CNTN5: variants seen among roughly 807,000 people sequenced by gnomAD.
The protein encoded by CNTN5 is contactin 5, also known as contactin-5.
A neutral mutation model predicts 129.1 loss-of-function variants in CNTN5; 77 were observed. The observed-to-expected ratio is 0.60, with a 90% CI of 0.50 to 0.72. The LOEUF (loss-of-function observed/expected upper bound fraction) is 0.72, where lower values mean the gene tolerates loss of function less well. Among genes scored for constraint, CNTN5 ranks in the 30% least tolerant of loss-of-function variants. The probability of loss-of-function intolerance (pLI) is 0.00; values close to 1 mark genes in which losing one functional copy is unlikely to be tolerated. For missense variants in CNTN5, 1,478 were observed against 1,328.8 expected, an observed-to-expected ratio of 1.11 and a Z score of -1.75; for synonymous variants, 509 against 465.6, an observed-to-expected ratio of 1.09 and a Z score of -1.20.
At chr11:99,706,864 G>A (rs1954778637) in intron 3 of CNTN5, among the ~76,000 whole-genome samples, 1 of 148,318 alleles carries the variant, frequency 6.7e-6, no homozygotes, top group Admixed American at 6.8e-5. Flanking sequence ...TAAGCTATAA[G>A]GATATGGATT....
chr11:100,287,237 A>G lies in CNTN5; in HGVS notation c.2315-10388A>G, dbSNP rs1274069062. On this transcript the variant is annotated intron_variant, in intron 18 of 24. Coordinates refer to ENST00000524871, the MANE Select transcript of CNTN5 (RefSeq NM_014361.4). Reference sequence around the variant, plus strand: ...ATCTAGCAAGGCAGGCCAACATTCAAATTCAGGAAATACAGAGAATGCCAT... The same window carrying G: ...ATCTAGCAAGGCAGGCCAACATTCAGATTCAGGAAATACAGAGAATGCCAT... 3.6e-3 allele frequency among the ~76,000 whole-genome samples: 547 copies of G among 152,144 alleles called. 5 individuals are homozygous for G. The highest frequency in any genetic ancestry group is 0.013 in the African/African-American group (521 of 41,424).
intron 1 of CNTN5, among the ~76,000 whole-genome samples, chr11:99,309,091 A>G (rs1272990386): frequency 6.6e-6 from 1 of 152,004 alleles, no homozygotes; most frequent in East Asian, 1.9e-4. Flanking sequence ...TTTTGAAATT[A>G]TTTTCTGCTA....
intron 13 of CNTN5, among the ~76,000 whole-genome samples, chr11:100,136,156 A>G (rs1300698862): frequency 1.3e-5 from 2 of 152,114 alleles, no homozygotes; most frequent in Non-Finnish European, 2.9e-5. Flanking sequence ...TAAACCCAGG[A>G]TTGTCAAAGC....
intron 2 of CNTN5, among the ~76,000 whole-genome samples, chr11:99,444,242 A>G (rs1943966086): frequency 6.6e-6 from 1 of 152,090 alleles, no homozygotes; most frequent in African/African-American, 2.4e-5. Context: ...GAGAAAGAAA[A>G]TATATCATTT....
intron 3 of CNTN5, among the ~76,000 whole-genome samples, chr11:99,811,101 A>C (rs531009436): frequency 1.2e-4 from 19 of 152,250 alleles, no homozygotes; most frequent in Admixed American, 7.2e-4. Context: ...CTGTCATTTC[A>C]TGACTTGTGG....
intron 3 of CNTN5, among the ~76,000 whole-genome samples, chr11:99,744,635 G>T (rs944737769): frequency 2.7e-4 from 40 of 147,568 alleles, no homozygotes; most frequent in African/African-American, 9.7e-4. Context: ...TGGGAGGATT[G>T]GTTGAGCCCA....
At chr11:99,825,898 T>C (rs1946939570) in intron 4 of CNTN5, among the ~76,000 whole-genome samples, 1 of 152,114 alleles carries the variant, frequency 6.6e-6, no homozygotes, top group Non-Finnish European at 1.5e-5. Flanking sequence ...CAAAAGAAAA[T>C]ATAATATAGA....
intron 6 of CNTN5, among the ~76,000 whole-genome samples, chr11:99,887,827 C>T (rs1425353261): frequency 6.6e-6 from 1 of 152,180 alleles, no homozygotes; most frequent in Non-Finnish European, 1.5e-5. Flanking sequence ...CCGCCTACTT[C>T]ACTCTAGCCT....
chr11:99,505,953 T>C (rs183928706), intron 2 of CNTN5, among the ~76,000 whole-genome samples: 1 of 152,324 alleles, frequency 6.6e-6, no homozygotes, highest in Admixed American at 6.5e-5. Flanking sequence ...TGTTAACTAG[T>C]GTGTGTTCTT....
intron 1 of CNTN5, among the ~76,000 whole-genome samples, chr11:99,220,531 A>G (rs737238): frequency 0.017 from 2,527 of 152,014 alleles, 37 homozygotes; most frequent in African/African-American, 0.035. Context: ...AAAAACCACA[A>G]TTAAATAAAT....
At chr11:100,112,614 T>C (rs1945692883) in intron 13 of CNTN5, among the ~76,000 whole-genome samples, 1 of 152,136 alleles carries the variant, frequency 6.6e-6, no homozygotes, top group South Asian at 2.1e-4. Context: ...TTATGAAACA[T>C]AGGCAGCCAT....
intron 16 of CNTN5, among the ~76,000 whole-genome samples, chr11:100,229,911 G>C (rs1183211815): frequency 6.6e-6 from 1 of 152,160 alleles, no homozygotes; most frequent in African/African-American, 2.4e-5. Context: ...TGTGCTTGGA[G>C]AGTGCATAAG....
At chr11:99,183,202 C>T (rs1299173276) in intron 1 of CNTN5, among the ~76,000 whole-genome samples, 4 of 152,136 alleles carry the variant, frequency 2.6e-5, no homozygotes, top group Admixed American at 1.3e-4. Context: ...AGAAGCAACA[C>T]CATAACATTT....
rs548697461 is a variant in CNTN5, at chr11:99,043,729, C to G, written c.-210+22459C>G. Among the ~76,000 whole-genome samples the G allele has an allele frequency of 6.3e-4, 96 of 152,236 alleles. 3 individuals are homozygous for G. The highest frequency in any genetic ancestry group is 4.5e-3 in the Admixed American group (69 of 15,292). On this transcript the variant is annotated intron_variant, in intron 1 of 24. Transcript: ENST00000524871. Reference sequence around the variant, plus strand: ...AATTTTTCTACTCATACCACTCTGACACATAACAAAATTAAGACAGTCTCA... The same window carrying G: ...AATTTTTCTACTCATACCACTCTGAGACATAACAAAATTAAGACAGTCTCA...
chr11:99,495,222 G>T (rs1339610233), intron 2 of CNTN5, among the ~76,000 whole-genome samples: 1 of 152,002 alleles, frequency 6.6e-6, no homozygotes, highest in Non-Finnish European at 1.5e-5. Context: ...CAAAAAATTA[G>T]CCAGGTATGG....
At chr11:99,840,301 A>C (rs1397266942) in intron 4 of CNTN5, among the ~76,000 whole-genome samples, 1 of 152,198 alleles carries the variant, frequency 6.6e-6, no homozygotes, top group Non-Finnish European at 1.5e-5. Flanking sequence ...ACAGCATACA[A>C]GAGCTTGTTT....
intron 3 of CNTN5, among the ~76,000 whole-genome samples, chr11:99,681,305 T>C (rs771856142): frequency 2.0e-5 from 3 of 151,728 alleles, no homozygotes; most frequent in Non-Finnish European, 4.4e-5. Flanking sequence ...AGTAAAATGC[T>C]ATCAAACAGC....
chr11:99,495,150 C>T (rs1487948359), intron 2 of CNTN5, among the ~76,000 whole-genome samples: 2 of 151,972 alleles, frequency 1.3e-5, no homozygotes, highest in Non-Finnish European at 2.9e-5. Context: ...CGGCAGATCA[C>T]GAAGTCAGGA....
intron 18 of CNTN5, among the ~76,000 whole-genome samples, chr11:100,289,786 A>C (rs1950910736): frequency 6.6e-6 from 1 of 150,482 alleles, no homozygotes; most frequent in East Asian, 1.9e-4. Flanking sequence ...AAGGAAATAA[A>C]GGGTATTCAA....
Sources: gnomAD v4.1 joint callset for allele counts (sites outside exome capture counted in the v4.1 genomes callset) on GRCh38, gnomAD v4.1.1 for gene constraint, MANE v1.5 for transcripts, NCBI Gene and HGNC (gene_info 2026-07-23, HGNC 2026-07-21) for gene names.